ACSS3: variants seen among roughly 807,000 people sequenced by gnomAD.
ACSS3 encodes the protein acyl-CoA synthetase short-chain family member 3, mitochondrial.
Under a neutral mutation model 84.2 loss-of-function variants are expected in ACSS3, and 64 were observed. That is an observed-to-expected ratio of 0.76 (90% CI 0.62 to 0.94). ACSS3 has a LOEUF of 0.94. Ranked by LOEUF, ACSS3 falls within the 40% of genes least tolerant of loss-of-function variation. ACSS3 has a pLI of 0.00. For synonymous variants in ACSS3, 317 were observed against 310.1 expected (o/e 1.02, Z -0.23); for missense variants, 815 against 867.6 (o/e 0.94, Z 0.76).
At chr12:81,234,063 T>C (rs558322760) in intron 13 of ACSS3, among the ~76,000 whole-genome samples, 1 of 151,680 alleles carries the variant, frequency 6.6e-6, no homozygotes, top group African/African-American at 2.4e-5. Flanking sequence ...GTCACCTGTC[T>C]ATTCTGACTC....
chr12:81,192,522 A>G (rs1401327463), intron 8 of ACSS3, among the ~76,000 whole-genome samples: 2 of 152,232 alleles, frequency 1.3e-5, no homozygotes, highest in Non-Finnish European at 2.9e-5. Context: ...TCTATTCATT[A>G]GGAATGGAGC....
intron 13 of ACSS3, among the ~76,000 whole-genome samples, chr12:81,243,198 A>C (rs1409803925): frequency 6.6e-6 from 1 of 152,146 alleles, no homozygotes; most frequent in African/African-American, 2.4e-5. Flanking sequence ...AATCACAGGC[A>C]TTCTTATACA....
intron 13 of ACSS3, 71 bp from the exon 14 acceptor site, chr12:81,253,236 T>C: frequency 6.9e-7 from 1 of 1,447,186 alleles, no homozygotes; most frequent in Admixed American, 1.7e-5. Context: ...TATCTGTATC[T>C]ATATCTATAT....
intron 8 of ACSS3, among the ~76,000 whole-genome samples, chr12:81,195,972 C>A (rs1023182783): frequency 1.3e-5 from 2 of 152,060 alleles, no homozygotes; most frequent in Non-Finnish European, 2.9e-5. Flanking sequence ...AGTCCTATAA[C>A]GATGCCTAAT....
chr12:81,239,182 A>C (rs747233134), intron 13 of ACSS3, among the ~76,000 whole-genome samples: 4 of 151,926 alleles, frequency 2.6e-5, no homozygotes, highest in South Asian at 2.1e-4. Context: ...TCTGTTATTG[A>C]TTGCTAGTTT....
At position 81,088,423 on chromosome 12, in the gene ACSS3, T is replaced by G. The variant is rs576863636; in HGVS notation, c.311+9992T>G. On this transcript the variant is annotated intron_variant, in intron 1 of 15. Coordinates refer to ENST00000548058, the MANE Select transcript of ACSS3 (RefSeq NM_024560.4). ...TTAGTCTGCTAAAGTACATAAACAT[T>G]GTCAGGTATATCATAAAATAGCTAA... is the stretch of plus-strand genomic sequence containing the variant. 1.1e-4 allele frequency among the ~76,000 whole-genome samples: 17 copies of G among 152,230 alleles called. No homozygotes were observed. The South Asian group carries it at 1.4e-3, about 13-fold the overall frequency.
intron 13 of ACSS3, among the ~76,000 whole-genome samples, chr12:81,252,449 G>A (rs547897612): frequency 6.6e-6 from 1 of 152,068 alleles, no homozygotes. Context: ...AACAAGGACT[G>A]CCAGATGTGC....
intron 9 of ACSS3, among the ~76,000 whole-genome samples, chr12:81,211,274 T>A (rs1007319230): frequency 2.6e-5 from 4 of 152,112 alleles, no homozygotes; most frequent in Non-Finnish European, 5.9e-5. Context: ...GCCTCTTTTT[T>A]TTTAATTTTT....
chr12:81,228,592 G>A (rs1356669640), intron 11 of ACSS3, among the ~76,000 whole-genome samples: 2 of 151,894 alleles, frequency 1.3e-5, no homozygotes, highest in East Asian at 3.9e-4. Flanking sequence ...ATGCAGGTTA[G>A]CAGGACATCT....
intron 1 of ACSS3, among the ~76,000 whole-genome samples, chr12:81,107,675 C>A (rs1389841366): frequency 2.0e-5 from 3 of 150,564 alleles, no homozygotes; most frequent in Non-Finnish European, 4.4e-5. Flanking sequence ...ACTATATGTC[C>A]AGGAACCACA....
chr12:81,245,289 G>A (rs974182857), intron 13 of ACSS3, among the ~76,000 whole-genome samples: 18 of 152,042 alleles, frequency 1.2e-4, no homozygotes, highest in African/African-American at 3.9e-4. Flanking sequence ...GTGAAACCCC[G>A]TCTCTACTAA....
chr12:81,253,328 G>A lies in ACSS3; in HGVS notation c.1741G>A (p.Val581Met), dbSNP rs182895257. 290 of 1,613,730 alleles carry A rather than the reference G, an allele frequency of 1.8e-4. 2 individuals carry two copies. The highest frequency in any genetic ancestry group is 3.4e-5 in the Non-Finnish European group (40 of 1,179,832). ...ACAGTCAATCCTTTCCCATGGTACC[G>A]TGGCAGACTGTGCTGTTGTTGGCAA... Reference protein sequence around the residue: ...IEESILSHGTVADCAVVGKED... With the variant: ...IEESILSHGTMADCAVVGKED... The change falls in exon 14 of 16, where the codon GTG becomes ATG. Residue 581 changes from valine to methionine, a missense_variant. By Grantham distance (21) the Val-to-Met change is conservative (BLOSUM62 1). Coordinates refer to ENST00000548058, the MANE Select transcript of ACSS3 (RefSeq NM_024560.4).
chr12:81,095,294 A>G (rs1881963036), intron 1 of ACSS3, among the ~76,000 whole-genome samples: 1 of 152,220 alleles, frequency 6.6e-6, no homozygotes, highest in Non-Finnish European at 1.5e-5. Context: ...TGACTGATGA[A>G]GCATGCTTTC....
rs150401117 is a variant in ACSS3 at position 81,184,537 on chromosome 12, T to C, written c.1250+9598T>C. On this transcript the variant is annotated intron_variant, in intron 8 of 15. Transcript: ENST00000548058. ...AACAACAAAATTTACAAACTCTTAATGAAAAGAAGAGAAAAGACTGAAATA... is the reference window on the plus strand; with the variant it reads ...AACAACAAAATTTACAAACTCTTAACGAAAAGAAGAGAAAAGACTGAAATA... Among the ~76,000 whole-genome samples, 536 of 151,352 alleles carry C rather than the reference T, an allele frequency of 3.5e-3. 2 individuals carry two copies. The highest frequency in any genetic ancestry group is 0.01 in the Middle Eastern group (3 of 294).
At chr12:81,198,027 C>T (rs1214525167) in intron 8 of ACSS3, among the ~76,000 whole-genome samples, 1 of 152,148 alleles carries the variant, frequency 6.6e-6, no homozygotes, top group African/African-American at 2.4e-5. Context: ...ATGTTGTGTA[C>T]TGAAAATATC....
At chr12:81,160,489 A>G (rs540505381) in intron 7 of ACSS3, among the ~76,000 whole-genome samples, 1 of 152,324 alleles carries the variant, frequency 6.6e-6, no homozygotes, top group Non-Finnish European at 1.5e-5. Context: ...AGAAATACTA[A>G]CATATGTGTG....
chr12:81,241,536 T>C (rs1424276186), intron 13 of ACSS3, among the ~76,000 whole-genome samples: 1 of 152,150 alleles, frequency 6.6e-6, no homozygotes, highest in African/African-American at 2.4e-5. Context: ...TTCTAACTGG[T>C]ATGAGATGAT....
chr12:81,182,062 C>T (rs1041026512), intron 8 of ACSS3, among the ~76,000 whole-genome samples: 1 of 152,026 alleles, frequency 6.6e-6, no homozygotes, highest in Non-Finnish European at 1.5e-5. Context: ...ATCCCTAAAG[C>T]GCACAGATCC....
intron 9 of ACSS3, among the ~76,000 whole-genome samples, chr12:81,207,696 T>C (rs1039858462): frequency 2.6e-5 from 4 of 152,096 alleles, no homozygotes; most frequent in African/African-American, 4.8e-5. Context: ...TTTGAGAAAA[T>C]GTAACCGTAG....
Sources: gnomAD v4.1 joint callset for allele counts (sites outside exome capture counted in the v4.1 genomes callset) on GRCh38, gnomAD v4.1.1 for gene constraint, MANE v1.5 for transcripts, NCBI Gene and HGNC (gene_info 2026-07-23, HGNC 2026-07-21) for gene names.